DAB1: variants seen among roughly 807,000 people sequenced by gnomAD.
DAB1 encodes the protein disabled homolog 1.
A neutral mutation model predicts 64.6 loss-of-function variants in DAB1; 15 were observed. The ratio of observed to expected loss-of-function variants is 0.23; its 90% CI spans 0.16 to 0.36. The LOEUF (loss-of-function observed/expected upper bound fraction) is 0.36, where lower values mean the gene tolerates loss of function less well. Among genes scored for constraint, DAB1 ranks in the 10% least tolerant of loss-of-function variants. The pLI is 1.00. For missense variants in DAB1, 596 were observed against 706.7 expected (o/e 0.84, Z 1.78); for synonymous variants, 235 against 251.9 (o/e 0.93, Z 0.64).
intron 4 of DAB1, among the ~76,000 whole-genome samples, chr1:58,298,984 T>C (rs1662056203): frequency 6.6e-6 from 1 of 152,232 alleles, no homozygotes; most frequent in African/African-American, 2.4e-5. Context: ...GCAGAATCCC[T>C]TGTTCTATTC....
chr1:58,247,022 T>C (rs900753192), intron 4 of DAB1, among the ~76,000 whole-genome samples: 5 of 151,952 alleles, frequency 3.3e-5, no homozygotes, highest in African/African-American at 4.8e-5. Flanking sequence ...CCTTGGGCAA[T>C]AGGGAGCACT....
chr1:57,505,634 T>C (rs1025347917), intron 7 of DAB1, among the ~76,000 whole-genome samples: 2 of 152,220 alleles, frequency 1.3e-5, no homozygotes, highest in Non-Finnish European at 2.9e-5. Context: ...ATTAGTGTCC[T>C]GATTTCAAAG....
chr1:58,069,333 C>T (rs1378171767), intron 5 of DAB1, among the ~76,000 whole-genome samples: 1 of 152,192 alleles, frequency 6.6e-6, no homozygotes, highest in Non-Finnish European at 1.5e-5. Flanking sequence ...TTGTCCAAGG[C>T]TTCCAACCGA....
At chr1:57,070,806 C>T (rs541158971) in intron 7 of DAB1, 49 of 574,108 alleles carry the variant, frequency 8.5e-5, no homozygotes, top group Middle Eastern at 4.9e-4. Flanking sequence ...AAGGGAGAAG[C>T]GGATCTCCAA....
At chr1:57,254,767 T>C (rs1212900180) in intron 2 of DAB1, among the ~76,000 whole-genome samples, 1 of 151,844 alleles carries the variant, frequency 6.6e-6, no homozygotes, top group Non-Finnish European at 1.5e-5. Flanking sequence ...GCATGCTTAA[T>C]ATAAAAAAAA....
intron 9 of DAB1, among the ~76,000 whole-genome samples, chr1:57,046,318 C>T (rs749021062): frequency 2.0e-5 from 3 of 152,210 alleles, no homozygotes; most frequent in Non-Finnish European, 1.5e-5. Flanking sequence ...ATTAGTTTCT[C>T]GCCTCCTTTC....
intron 9 of DAB1, among the ~76,000 whole-genome samples, chr1:57,037,757 A>G (rs1647222871): frequency 6.6e-6 from 1 of 152,260 alleles, no homozygotes; most frequent in Admixed American, 6.5e-5. Flanking sequence ...CCACTTTCCC[A>G]TTTCTTGGCA....
chr1:57,354,052 A>G (rs1053036704), intron 1 of DAB1, among the ~76,000 whole-genome samples: 1 of 152,128 alleles, frequency 6.6e-6, no homozygotes, highest in Non-Finnish European at 1.5e-5. Context: ...TTCATTTATT[A>G]TGAGACCACA....
chr1:57,630,854 C>A lies in DAB1; in HGVS notation n.625+18738G>T, dbSNP rs939590163. Among the ~76,000 whole-genome samples, 10 of 152,222 alleles carry A rather than the reference C, an allele frequency of 6.6e-5. No individual in the cohort carries two copies. The East Asian group carries it at 1.5e-3, about 24-fold the overall frequency. ...GAGAAAGATCAACAATTTAATTATT[C>A]AAATTATGTGAAAAGACAAACTGAT... On this transcript the variant is annotated intron_variant and non_coding_transcript_variant, in intron 7 of 20. Coordinates refer to the DAB1 transcript ENST00000485760.
intron 7 of DAB1, among the ~76,000 whole-genome samples, chr1:57,564,910 G>A (rs1266569642): frequency 6.6e-6 from 1 of 152,052 alleles, no homozygotes; most frequent in Non-Finnish European, 1.5e-5. Flanking sequence ...TTCACATTCA[G>A]GAAATACAGA....
chr1:58,476,711 C>T (rs538276753), intron 3 of DAB1, among the ~76,000 whole-genome samples: 14 of 152,274 alleles, frequency 9.2e-5, no homozygotes, highest in Middle Eastern at 3.4e-3. Context: ...TGTATACATA[C>T]GCTTAAAATG....
chr1:57,272,224 G>A lies in DAB1; in HGVS notation c.67+18740C>T, dbSNP rs374231512. 1.1e-4 allele frequency among the ~76,000 whole-genome samples: 16 copies of A among 152,278 alleles called. No individual in the cohort carries two copies. In the East Asian group the frequency reaches 2.9e-3, roughly 28 times the overall value. ...TCCAGAGGAGGCCAATGTGAAGGCT[G>A]AGCATTCAGCCTTAAAGCCATAAAG... On this transcript the variant is annotated intron_variant, in intron 2 of 14. Coordinates refer to ENST00000371236, the MANE Select transcript of DAB1 (RefSeq NM_001365792.1).
intron 7 of DAB1, among the ~76,000 whole-genome samples, chr1:57,494,379 C>T (rs1376393513): frequency 2.6e-5 from 4 of 152,250 alleles, no homozygotes; most frequent in South Asian, 4.1e-4. Context: ...TGCACAACTC[C>T]GGTAATACTT....
intron 2 of DAB1, among the ~76,000 whole-genome samples, chr1:57,220,927 G>A (rs1220854323): frequency 6.6e-6 from 1 of 152,106 alleles, no homozygotes; most frequent in African/African-American, 2.4e-5. Flanking sequence ...AAATCATGCT[G>A]CTATAAAGAC....
At chr1:57,730,457 A>G (rs965502580) in intron 6 of DAB1, among the ~76,000 whole-genome samples, 4 of 152,238 alleles carry the variant, frequency 2.6e-5, no homozygotes, top group Non-Finnish European at 5.9e-5. Context: ...AGTCAGAGCG[A>G]AGAGGGCAAG....
chr1:57,236,118 G>A lies in DAB1; in HGVS notation c.67+54846C>T, dbSNP rs144207404. On this transcript the variant is annotated intron_variant, in intron 2 of 14. Transcript: ENST00000371236. ...AGAAGACGAGAGCAGAATTGGACTG[G>A]GTACCCAAAGGCTTTTACGGAGTTC... 1.8e-3 allele frequency among the ~76,000 whole-genome samples: 271 copies of A among 152,232 alleles called. 2 individuals carry two copies. Among genetic ancestry groups the A allele is most frequent in the African/African-American group, 6.1e-3 (253 of 41,540 alleles).
At chr1:57,765,947 C>T (rs976427047) in intron 6 of DAB1, among the ~76,000 whole-genome samples, 1 of 151,934 alleles carries the variant, frequency 6.6e-6, no homozygotes, top group Non-Finnish European at 1.5e-5. Flanking sequence ...CCTTCTTAGT[C>T]TCATTTGCAG....
intron 2 of DAB1, among the ~76,000 whole-genome samples, chr1:57,163,688 CA>C (rs1029030569): frequency 6.6e-6 from 1 of 151,794 alleles, no homozygotes; most frequent in African/African-American, 2.4e-5. Flanking sequence ...AGTGACGAGA[CA>C]AGGATGACAG....
In DAB1 at chr1:58,187,551, T is replaced by C. The variant is rs1557687397; in HGVS notation, n.310-36963A>G. 2.0e-5 allele frequency among the ~76,000 whole-genome samples: 3 copies of C among 149,084 alleles called. No homozygotes were observed. The Admixed American group carries it at 2.0e-4, about 10-fold the overall frequency. On this transcript the variant is annotated intron_variant and non_coding_transcript_variant, in intron 4 of 20. Coordinates refer to the DAB1 transcript ENST00000485760. The stretch of plus-strand genomic sequence containing the variant: ...CATGTGTGTGGGTATATTTAAGATT[T>C]ATGTATATTTTATATATTATTATTA...
Sources: gnomAD v4.1 joint callset for allele counts (sites outside exome capture counted in the v4.1 genomes callset) on GRCh38, gnomAD v4.1.1 for gene constraint, MANE v1.5 for transcripts, NCBI Gene and HGNC (gene_info 2026-07-23, HGNC 2026-07-21) for gene names.